CSMD3: variants seen among roughly 807,000 people sequenced by gnomAD.
CSMD3 encodes CUB and Sushi multiple domains 3, also known as CUB and sushi domain-containing protein 3.
In CSMD3, 177 loss-of-function variants were observed where a neutral mutation model predicts 435.2. The ratio of observed to expected loss-of-function variants is 0.41; its 90% CI spans 0.36 to 0.46. The LOEUF (loss-of-function observed/expected upper bound fraction) is 0.46, where lower values mean the gene tolerates loss of function less well. Among genes scored for constraint, CSMD3 ranks in the 20% least tolerant of loss-of-function variants. The pLI is 0.34. For missense variants in CSMD3, 4,265 were observed against 4,504.6 expected (o/e 0.95, Z 1.52); for synonymous variants, 1,656 against 1,520.5 (o/e 1.09, Z -2.07).
At chr8:113,151,842 T>A (rs977111093) in intron 4 of CSMD3, among the ~76,000 whole-genome samples, 1 of 152,072 alleles carries the variant, frequency 6.6e-6, no homozygotes, top group Non-Finnish European at 1.5e-5. Context: ...TTAGAAGTTT[T>A]GATTATGCCC....
chr8:113,190,705 C>T (rs763010271), intron 3 of CSMD3, among the ~76,000 whole-genome samples: 10 of 151,042 alleles, frequency 6.6e-5, no homozygotes, highest in Non-Finnish European at 1.3e-4. Context: ...TTTATCATCC[C>T]AAACTTTGAT....
chr8:112,293,273 A>T (rs1314043086), intron 54 of CSMD3, among the ~76,000 whole-genome samples: 1 of 152,114 alleles, frequency 6.6e-6, no homozygotes, highest in Non-Finnish European at 1.5e-5. Context: ...TAGATGACAG[A>T]ATGAGATCTT....
intron 1 of CSMD3, among the ~76,000 whole-genome samples, chr8:113,415,938 A>G (rs2094580080): frequency 6.6e-6 from 1 of 152,238 alleles, no homozygotes; most frequent in East Asian, 1.9e-4. Flanking sequence ...ATTAACTGCT[A>G]TATGCTATAC....
chr8:112,746,322 G>A (rs2077425044), intron 13 of CSMD3, among the ~76,000 whole-genome samples: 1 of 152,072 alleles, frequency 6.6e-6, no homozygotes, highest in South Asian at 2.1e-4. Flanking sequence ...CCTGGTCTTG[G>A]TTTCTTGGTC....
intron 3 of CSMD3, among the ~76,000 whole-genome samples, chr8:113,178,097 C>T (rs963699272): frequency 3.3e-5 from 5 of 151,928 alleles, no homozygotes; most frequent in Admixed American, 2.0e-4. Flanking sequence ...GTTAATACTA[C>T]AGCATGTCCC....
At chr8:112,785,499 A>G (rs566420652) in intron 13 of CSMD3, among the ~76,000 whole-genome samples, 4 of 152,074 alleles carry the variant, frequency 2.6e-5, no homozygotes, top group Non-Finnish European at 5.9e-5. Context: ...ATAAATTTAT[A>G]TTTGGAAAAA....
chr8:112,908,699 T>C (rs1432365769), intron 10 of CSMD3, among the ~76,000 whole-genome samples: 2 of 151,564 alleles, frequency 1.3e-5, no homozygotes, highest in African/African-American at 4.8e-5. Flanking sequence ...TTGGTATTCA[T>C]AGCCCAGAAT....
intron 45 of CSMD3, among the ~76,000 whole-genome samples, chr8:112,326,458 A>G (rs908301016): frequency 6.6e-6 from 1 of 152,168 alleles, no homozygotes; most frequent in Non-Finnish European, 1.5e-5. Context: ...CAGCTATCTC[A>G]TCTGTAAAAT....
chr8:112,898,491 G>A (rs1040004373), intron 10 of CSMD3, among the ~76,000 whole-genome samples: 10 of 151,038 alleles, frequency 6.6e-5, no homozygotes, highest in Admixed American at 1.3e-4. Context: ...GTAAATGGAC[G>A]CTATATTTAA....
intron 6 of CSMD3, among the ~76,000 whole-genome samples, chr8:113,001,378 A>G (rs1324300999): frequency 1.3e-5 from 2 of 152,160 alleles, no homozygotes; most frequent in South Asian, 2.1e-4. Flanking sequence ...AGGTTCTTCA[A>G]ACTTGTTAAG....
intron 2 of CSMD3, among the ~76,000 whole-genome samples, chr8:113,289,656 C>T (rs998035015): frequency 9.3e-5 from 14 of 151,220 alleles, no homozygotes; most frequent in African/African-American, 3.4e-4. Flanking sequence ...TCCCATAAAC[C>T]CTGCCACCTT....
chr8:113,341,304 T>G (rs1296985490), intron 1 of CSMD3, among the ~76,000 whole-genome samples: 2 of 152,256 alleles, frequency 1.3e-5, no homozygotes, highest in Non-Finnish European at 2.9e-5. Flanking sequence ...GTACTAGAGC[T>G]TACTCCTCCT....
chr8:112,806,234 T>C (rs996748488), intron 12 of CSMD3, among the ~76,000 whole-genome samples: 2 of 152,176 alleles, frequency 1.3e-5, no homozygotes, highest in South Asian at 2.1e-4. Context: ...AAATTGGCTA[T>C]AGTATAAGCT....
Position 113,313,048 on chromosome 8 carries a change from A to T in CSMD3, c.401+1523T>A, listed in dbSNP as rs2093882192. ...CATTTTTAAGTGTCATCTGACTGGA[A>T]GCAGTTCGATGTGCTCTAATAGGAT... On this transcript the variant is annotated intron_variant, in intron 2 of 70. Transcript: ENST00000297405. The T allele has an allele frequency of 2.6e-5, 4 of 152,330 alleles. No homozygotes were observed. The South Asian group carries it at 8.3e-4, about 32-fold the overall frequency. 9.4% of individuals were successfully genotyped at this position (152,330 alleles called of 1,614,324 possible).
chr8:112,391,035 T>C (rs1309986160), intron 35 of CSMD3, among the ~76,000 whole-genome samples: 1 of 151,032 alleles, frequency 6.6e-6, no homozygotes, highest in Non-Finnish European at 1.5e-5. Flanking sequence ...ATTAACTCAA[T>C]AACAGCATAG....
intron 32 of CSMD3, among the ~76,000 whole-genome samples, chr8:112,468,256 T>C (rs974247089): frequency 3.1e-4 from 38 of 124,294 alleles, no homozygotes; most frequent in Non-Finnish European, 8.3e-5. Context: ...TTTTTTTTTT[T>C]ACCAATTGAT....
chr8:112,615,892 C>T (rs1406511755), intron 22 of CSMD3, among the ~76,000 whole-genome samples: 1 of 152,046 alleles, frequency 6.6e-6, no homozygotes, highest in Non-Finnish European at 1.5e-5. Context: ...CCGAAAGGCT[C>T]CAACAACTTA....
intron 3 of CSMD3, among the ~76,000 whole-genome samples, chr8:113,183,234 T>G (rs2092449270): frequency 6.6e-6 from 1 of 152,080 alleles, no homozygotes; most frequent in Non-Finnish European, 1.5e-5. Flanking sequence ...AGGAGTGCTT[T>G]GAGCTTATAC....
At chr8:113,107,430 TC>T (rs1400789994) in intron 4 of CSMD3, among the ~76,000 whole-genome samples, 1 of 152,170 alleles carries the variant, frequency 6.6e-6, no homozygotes, top group Admixed American at 6.5e-5. Flanking sequence ...TATGCAATTG[TC>T]CCCCAGTTTC....
Sources: allele counts gnomAD v4.1 joint callset (sites outside exome capture counted in the v4.1 genomes callset), GRCh38; gene constraint gnomAD v4.1.1; transcripts MANE v1.5; gene names NCBI Gene and HGNC (gene_info 2026-07-23, HGNC 2026-07-21).